MRPS16: variants seen among roughly 807,000 people sequenced by gnomAD.
MRPS16 encodes the protein mitochondrial ribosomal protein S16.
In MRPS16, 5 loss-of-function variants were observed where a neutral mutation model predicts 11.0. The observed-to-expected ratio is 0.46, with a 90% CI of 0.24 to 0.96. The LOEUF is 0.96. Among genes scored for constraint, MRPS16 ranks in the 40% least tolerant of loss-of-function variants. The pLI is 0.20. For missense variants in MRPS16, 179 were observed against 174.4 expected, an observed-to-expected ratio of 1.03 and a Z score of -0.15; for synonymous variants, 76 against 65.0, an observed-to-expected ratio of 1.17 and a Z score of -0.81.
At position 73,248,850 on chromosome 10, in the gene MRPS16, C is replaced by G. The variant is rs890285172; in HGVS notation, c.*2002G>C. 26 of 327,302 alleles carry G rather than the reference C, an allele frequency of 7.9e-5. 1 individual carries two copies. The East Asian group carries it at 1.9e-3, about 24-fold the overall frequency. 20.3% of individuals were successfully genotyped at this position (327,302 alleles called of 1,614,324 possible). A position where few individuals can be genotyped will look rare whatever the true frequency, so the allele number is the denominator to read the frequency against. On this transcript the variant is annotated 3_prime_UTR_variant, in exon 3 of 3. Coordinates refer to ENST00000372945, the MANE Select transcript of MRPS16 (RefSeq NM_016065.4). ...TACATTTGCTACGGAAAATTGAAAT[C>G]GCACACTGAAATATCCTTTTATTGC...
chr10:73,249,130 G>A lies in MRPS16; in HGVS notation c.*1722C>T. ...GACGGGGTCTTGCTGTGTTGCACAG[G>A]CTGGTCTCAAACTCTGGCTTCAAGT... On this transcript the variant is annotated 3_prime_UTR_variant, in exon 3 of 3. Coordinates refer to ENST00000372945, the MANE Select transcript of MRPS16 (RefSeq NM_016065.4). The A allele has an allele frequency of 2.9e-6, 2 of 678,112 alleles. No homozygotes were observed. The highest frequency in any genetic ancestry group is 5.1e-6 in the Non-Finnish European group (2 of 389,228). 42.0% of individuals were successfully genotyped at this position (678,112 alleles called of 1,614,324 possible). A position where few individuals can be genotyped will look rare whatever the true frequency, so the allele number is the denominator to read the frequency against.
Position 73,249,670 on chromosome 10 carries a change from T to G in MRPS16, c.*1182A>C. The stretch of plus-strand genomic sequence containing the variant: ...GAAATCACAGCCACATTTGAATGGT[T>G]CAATCTTGATTCATACTGAACTCCC... On this transcript the variant is annotated 3_prime_UTR_variant, in exon 3 of 3. Transcript: ENST00000372945. 4.2e-6 allele frequency: 1 copy of G among 238,732 alleles called. No individual in the cohort carries two copies. The highest frequency in any genetic ancestry group is 8.4e-6 in the Non-Finnish European group (1 of 118,884). The allele number at this position is 238,732 out of a possible 1,614,324, so 14.8% of individuals were successfully genotyped here.
rs2044082290 is a variant in MRPS16, at chr10:73,250,971, G to A, written c.295C>T (p.Leu99=). The A allele has an allele frequency of 6.2e-7, 1 of 1,614,170 alleles. No homozygotes were observed. Among genetic ancestry groups the A allele is most frequent in the Non-Finnish European group, 8.5e-7 (1 of 1,180,028 alleles). Reference sequence around the variant, plus strand: ...GCATTTGTGATCATCATAGGATGCAGAGGGAAAAAGCCAGCAAGACCTAAA... The same window carrying A: ...GCATTTGTGATCATCATAGGATGCAAAGGGAAAAAGCCAGCAAGACCTAAA... ...KLLGLAGFFP[L]HPMMITNAER... Residue 99 remains leucine (L), a synonymous_variant, in exon 3 of 3, where the codon CTG becomes TTG. Transcript: ENST00000372945.
At position 73,252,479 on chromosome 10, in the gene MRPS16, C is replaced by G; in HGVS notation, c.4G>C (p.Val2Leu). M[V>L]HLTTLLCKAY... ...TGGCCCGATGACTCACTGAGGTGGA[C>G]CATGGTGCCGCCGGCGTGCGGCTCC... The change falls in exon 1 of 3, where the codon GTC becomes CTC. Residue 2 changes from valine (V) to leucine (L), a missense_variant. Val to Leu is a conservative substitution (Grantham distance 32, BLOSUM62 1). Transcript: ENST00000372945. The G allele has an allele frequency of 6.2e-7, 1 of 1,608,966 alleles. No individual in the cohort carries two copies. The highest frequency in any genetic ancestry group is 8.5e-7 in the Non-Finnish European group (1 of 1,179,824).
At chr10:73,251,017 T>A (rs1478114422) in intron 2 of MRPS16, 26 bp from the exon 3 acceptor site, 2 of 1,613,256 alleles carry the variant, frequency 1.2e-6, no homozygotes, top group African/African-American at 2.7e-5. Context: ...TTTTCACTTA[T>A]TATAACACAG....
chr10:73,248,917 C>T lies in MRPS16; in HGVS notation c.*1935G>A. On this transcript the variant is annotated 3_prime_UTR_variant, in exon 3 of 3. Coordinates refer to ENST00000372945, the MANE Select transcript of MRPS16 (RefSeq NM_016065.4). ...AACCAGAAAATCAAATTATTATGCT[C>T]TAGCCAAATTATGTAATGTTTTCTT... The T allele has an allele frequency of 2.2e-6, 1 of 459,724 alleles. No individual in the cohort carries two copies. Among genetic ancestry groups the T allele is most frequent in the Non-Finnish European group, 4.4e-6 (1 of 226,308 alleles). The allele number at this position is 459,724 out of a possible 1,614,324, so 28.5% of individuals were successfully genotyped here.
chr10:73,252,490 C>T lies in MRPS16; in HGVS notation c.-8G>A. 2 of 1,608,092 alleles carry T rather than the reference C, an allele frequency of 1.2e-6. No homozygotes were observed. The highest frequency in any genetic ancestry group is 1.7e-6 in the Non-Finnish European group (2 of 1,179,738). On this transcript the variant is annotated 5_prime_UTR_variant, in exon 1 of 3. Coordinates refer to ENST00000372945, the MANE Select transcript of MRPS16 (RefSeq NM_016065.4). ...CTCACTGAGGTGGACCATGGTGCCG[C>T]CGGCGTGCGGCTCCTCGGAGAGCCC...
chr10:73,250,072 G>A lies in MRPS16; in HGVS notation c.*780C>T, dbSNP rs1253114286. 6.6e-6 allele frequency: 1 copy of A among 152,426 alleles called. No individual in the cohort carries two copies. The highest frequency in any genetic ancestry group is 1.5e-5 in the Non-Finnish European group (1 of 68,240). The allele number at this position is 152,426 out of a possible 1,614,324, so 9.4% of individuals were successfully genotyped here. A position where few individuals can be genotyped will look rare whatever the true frequency, so the allele number is the denominator to read the frequency against. On this transcript the variant is annotated 3_prime_UTR_variant, in exon 3 of 3. Coordinates refer to ENST00000372945, the MANE Select transcript of MRPS16 (RefSeq NM_016065.4). ...AATACAAAAAAATTAGCTGGGTGTG[G>A]TGGTGGGCACCTGTAGTCCCAGCTA...
In MRPS16 at chr10:73,251,851, T is replaced by C. The variant is rs1406483017; in HGVS notation, c.186A>G (p.Gly62=). Residue 62 remains glycine (G), a synonymous_variant, in exon 2 of 3, where the codon GGA becomes GGG. Transcript: ENST00000372945. ...CTAGGTTGAGGGCAACGAGTTTTTC[T>C]CCATGACTGTTGGGCAATGGATCAT... ...GSYDPLPNSH[G]EKLVALNLDR... is the part of the protein sequence containing the mutation. The C allele has an allele frequency of 6.2e-7, 1 of 1,614,202 alleles. No individual in the cohort carries two copies. Among genetic ancestry groups the C allele is most frequent in the South Asian group, 1.1e-5 (1 of 91,082 alleles).
chr10:73,252,287 G>A (rs1464087441), intron 1 of MRPS16, 183 bp downstream of exon 1: 5 of 1,099,294 alleles, frequency 4.5e-6, no homozygotes, highest in Non-Finnish European at 1.3e-6. Flanking sequence ...GCTTCAATGG[G>A]GTGGAAATTT....
chr10:73,252,496 T>C lies in MRPS16; in HGVS notation c.-14A>G, dbSNP rs1252689134. ...GAGGTGGACCATGGTGCCGCCGGCGTGCGGCTCCTCGGAGAGCCCCGCTAC... is the reference window on the plus strand; with the variant it reads ...GAGGTGGACCATGGTGCCGCCGGCGCGCGGCTCCTCGGAGAGCCCCGCTAC... On this transcript the variant is annotated 5_prime_UTR_variant, in exon 1 of 3. Transcript: ENST00000372945. 2 of 1,607,290 alleles carry C rather than the reference T, an allele frequency of 1.2e-6. No homozygotes were observed. The highest frequency in any genetic ancestry group is 3.3e-5 in the Admixed American group (2 of 59,976).
intron 1 of MRPS16, 94 bp downstream of exon 1, chr10:73,252,376 C>T: frequency 1.3e-6 from 2 of 1,560,714 alleles, no homozygotes; most frequent in Non-Finnish European, 8.7e-7. Flanking sequence ...GTTCGGGTTG[C>T]CTCCATCGCG....
rs775930395 is a variant in MRPS16 at position 73,251,772 on chromosome 10, T to C, written c.265A>G (p.Lys89Glu). Reference protein sequence around the residue: ...CGAHLSKPMEKLLGLAGFFPL... With the variant: ...CGAHLSKPMEELLGLAGFFPL... Reference sequence around the variant, plus strand: ...ACCAGAGCTGAGTTACCCAGAAGCTTTTCCATAGGCTTAGAGAGGTGGGCC... The same window carrying C: ...ACCAGAGCTGAGTTACCCAGAAGCTCTTCCATAGGCTTAGAGAGGTGGGCC... Residue 89 changes from lysine to glutamate, a missense_variant, in exon 2 of 3, where the codon AAG becomes GAG. Coordinates refer to ENST00000372945, the MANE Select transcript of MRPS16 (RefSeq NM_016065.4). 1.2e-6 allele frequency: 2 copies of C among 1,614,160 alleles called. No individual in the cohort carries two copies. Among genetic ancestry groups the C allele is most frequent in the South Asian group, 2.2e-5 (2 of 91,084 alleles).
At chr10:73,252,085 C>T in intron 1 of MRPS16, 62 bp from the exon 2 acceptor site, 2 of 1,566,812 alleles carry the variant, frequency 1.3e-6, no homozygotes, top group Middle Eastern at 1.7e-4. Flanking sequence ...ATGACACAGA[C>T]GGCACAATTC....
In MRPS16 at chr10:73,252,549, C is replaced by T; in HGVS notation, c.-67G>A. 6.3e-7 allele frequency: 1 copy of T among 1,591,092 alleles called. No homozygotes were observed. Among genetic ancestry groups the T allele is most frequent in the Non-Finnish European group, 8.5e-7 (1 of 1,174,118 alleles). On this transcript the variant is annotated 5_prime_UTR_variant, in exon 1 of 3. Transcript: ENST00000372945. ...GCACGCACCAGCTCTACGGCCTTGG[C>T]AGGGCAGAGAACAAACACAGAAAGA...
In MRPS16 at chr10:73,252,019, A is replaced by C. The variant is rs374090427; in HGVS notation, c.18T>G (p.Thr6=). The C allele has an allele frequency of 4.3e-6, 7 of 1,613,388 alleles. No homozygotes were observed. The highest frequency in any genetic ancestry group is 5.9e-6 in the Non-Finnish European group (7 of 1,179,630). The part of the protein sequence containing the change: MVHLT[T]LLCKAYRGGH... The stretch of plus-strand genomic sequence containing the variant: ...CCCCACGGTAGGCCTTGCAGAGGAG[A>C]GTAGCTGTAGAAAAGCAGCTGGTTA... The change falls in exon 2 of 3, where the codon ACT becomes ACG. Residue 6 remains threonine (T), a synonymous_variant. Coordinates refer to ENST00000372945, the MANE Select transcript of MRPS16 (RefSeq NM_016065.4).
Position 73,251,751 on chromosome 10 carries a change from G to C in MRPS16, c.274+12C>G. 7.4e-6 allele frequency: 12 copies of C among 1,614,146 alleles called. No individual in the cohort carries two copies. The highest frequency in any genetic ancestry group is 1.0e-5 in the Non-Finnish European group (12 of 1,180,020). The stretch of plus-strand genomic sequence containing the variant: ...AAATCCCCTCAATAAGGTAAGACCA[G>C]AGCTGAGTTACCCAGAAGCTTTTCC... On this transcript the variant is annotated intron_variant, in intron 2 of 2. Transcript: ENST00000372945.
chr10:73,252,115 C>T, intron 1 of MRPS16, 92 bp from the exon 2 acceptor site: 2 of 1,510,412 alleles, frequency 1.3e-6, no homozygotes, highest in South Asian at 2.4e-5. Context: ...ACTGAAATGT[C>T]TCACTTCCAA....
rs758566996 is a variant in MRPS16, at chr10:73,251,994, C to T, written c.43G>A (p.Gly15Ser). 2 of 1,613,924 alleles carry T rather than the reference C, an allele frequency of 1.2e-6. No individual in the cohort carries two copies. The highest frequency in any genetic ancestry group is 1.7e-6 in the Non-Finnish European group (2 of 1,179,978). ...AGGGCAAGGCGGATGGTTAAGTGGC[C>T]CCCACGGTAGGCCTTGCAGAGGAGA... ...TTLLCKAYRG[G>S]HLTIRLALGG... Residue 15 changes from glycine to serine, a missense_variant, in exon 2 of 3, where the codon GGC becomes AGC. Transcript: ENST00000372945.
Sources: gnomAD v4.1 joint callset for allele counts on GRCh38, gnomAD v4.1.1 for gene constraint, MANE v1.5 for transcripts, NCBI Gene and HGNC (gene_info 2026-07-23, HGNC 2026-07-21) for gene names.